HSPA12A: variants seen among roughly 807,000 people sequenced by gnomAD.
The protein encoded by HSPA12A is heat shock 70 kDa protein 12A.
A neutral mutation model predicts 69.2 loss-of-function variants in HSPA12A; 28 were observed. The ratio of observed to expected loss-of-function variants is 0.40; its 90% CI spans 0.30 to 0.55. HSPA12A has a LOEUF of 0.55. HSPA12A is among the 20% of genes least tolerant of loss of function. The pLI is 0.38. For synonymous variants in HSPA12A, 345 were observed against 370.5 expected (o/e 0.93, Z 0.79); for missense variants, 686 against 900.7 (o/e 0.76, Z 3.05).
At chr10:116,682,129 CACA>C (rs1305658605) in intron 7 of HSPA12A, among the ~76,000 whole-genome samples, 1 of 152,174 alleles carries the variant, frequency 6.6e-6, no homozygotes, top group Non-Finnish European at 1.5e-5. Flanking sequence ...ATGAGATTCT[CACA>C]ACAACCCTTG....
intron 2 of HSPA12A, among the ~76,000 whole-genome samples, chr10:116,779,243 GTC>G (rs1554891508): frequency 6.6e-6 from 1 of 152,218 alleles, no homozygotes; most frequent in African/African-American, 2.4e-5. Context: ...AACACGGAAG[GTC>G]CAGTGCAAGC....
At chr10:116,846,472 C>G (rs1211072189) in intron 1 of HSPA12A, among the ~76,000 whole-genome samples, 1 of 152,034 alleles carries the variant, frequency 6.6e-6, no homozygotes, top group African/African-American at 2.4e-5. Context: ...GCCTCAGCCT[C>G]CCGAGTAGCT....
intron 10 of HSPA12A, among the ~76,000 whole-genome samples, chr10:116,678,586 G>GAAAAAAA (rs11435803): frequency 4.7e-5 from 6 of 128,644 alleles, no homozygotes; most frequent in Admixed American, 8.3e-5. Flanking sequence ...GGTACAAAGT[G>GAAAAAAA]AAAAAAAAAA....
In HSPA12A at chr10:116,675,270, G is replaced by C. The variant is rs782710022; in HGVS notation, c.1539C>G (p.Thr513=). The change falls in exon 12 of 12, where the codon ACC becomes ACG. Residue 513 remains threonine (T), a synonymous_variant. Coordinates refer to ENST00000369209, the MANE Select transcript of HSPA12A (RefSeq NM_025015.3). The surrounding 1 kb of genome is among the most constrained non-coding windows in gnomAD (Gnocchi z 5.2). The part of the protein sequence containing the change: ...RIIIPQDVGL[T]ILKGAVLFGL... ...CAAAGAGGACGGCACCCTTGAGGAT[G>C]GTGAGGCCCACGTCCTGGGGGATGA... is the stretch of plus-strand genomic sequence containing the variant. 1.9e-6 allele frequency: 3 copies of C among 1,613,570 alleles called. No homozygotes were observed. The African/African-American group carries it at 4.0e-5, about 22-fold the overall frequency.
At chr10:116,804,666 A>G (rs1462097405) in intron 2 of HSPA12A, among the ~76,000 whole-genome samples, 1 of 152,110 alleles carries the variant, frequency 6.6e-6, no homozygotes, top group East Asian at 1.9e-4. Context: ...CTGTGTTTTT[A>G]CAAACTCTCC....
At position 116,707,182 on chromosome 10, in the gene HSPA12A, C is replaced by A. The variant is rs782600194; in HGVS notation, c.126+18G>T. 2.5e-6 allele frequency: 4 copies of A among 1,573,184 alleles called. No homozygotes were observed. Among genetic ancestry groups the A allele is most frequent in the Non-Finnish European group, 3.5e-6 (4 of 1,151,998 alleles). ...ACACACACACACACACACACACACA[C>A]ACACACACACTTCTTACCACAATAT... On this transcript the variant is annotated intron_variant, in intron 2 of 11. Coordinates refer to ENST00000369209, the MANE Select transcript of HSPA12A (RefSeq NM_025015.3).
chr10:116,818,340 C>T (rs1344634596), intron 2 of HSPA12A, among the ~76,000 whole-genome samples: 1 of 152,008 alleles, frequency 6.6e-6, no homozygotes, highest in East Asian at 1.9e-4. Flanking sequence ...CAGACCTACC[C>T]TGTGGTGGTG....
At chr10:116,734,987 G>A (rs916220242) in intron 1 of HSPA12A, among the ~76,000 whole-genome samples, 10 of 152,022 alleles carry the variant, frequency 6.6e-5, no homozygotes, top group African/African-American at 7.2e-5. Flanking sequence ...GCGAGACTCC[G>A]TCTCGAAAAG....
exon 2 of HSPA12A, chr10:116,834,946 A>G (rs1845682708): frequency 7.3e-6 from 9 of 1,231,042 alleles, no homozygotes; most frequent in Admixed American, 4.2e-5. Flanking sequence ...TGAAGCGGCT[A>G]TTTCCCACCT....
At chr10:116,683,092 C>T (rs2133370196) in intron 7 of HSPA12A, among the ~76,000 whole-genome samples, 1 of 151,948 alleles carries the variant, frequency 6.6e-6, no homozygotes, top group Admixed American at 6.6e-5. Flanking sequence ...GGCGCCACCC[C>T]CATAGTGCTC....
At chr10:116,731,220 C>T (rs909784794) in intron 1 of HSPA12A, among the ~76,000 whole-genome samples, 7 of 152,208 alleles carry the variant, frequency 4.6e-5, no homozygotes, top group African/African-American at 1.4e-4. Flanking sequence ...TGTTTTAAAA[C>T]GAATTTTGCT....
intron 2 of HSPA12A, among the ~76,000 whole-genome samples, chr10:116,753,095 G>A (rs1015228568): frequency 1.3e-5 from 2 of 152,232 alleles, no homozygotes; most frequent in Admixed American, 6.5e-5. Context: ...TGTTGGCCAC[G>A]TGTGGGAAGT....
At chr10:116,806,115 T>A (rs542287091) in intron 2 of HSPA12A, among the ~76,000 whole-genome samples, 1 of 152,312 alleles carries the variant, frequency 6.6e-6, no homozygotes, top group South Asian at 2.1e-4. Flanking sequence ...CCAGAAGTGG[T>A]GGGCACAAAG....
rs11286178 is a variant in HSPA12A, at chr10:116,755,805, C to CA, written c.92-48521dup. Among the ~76,000 whole-genome samples, 480 of 123,370 alleles carry CA rather than the reference C, an allele frequency of 3.9e-3. 5 individuals are homozygous for CA. The highest frequency in any genetic ancestry group is 0.022 in the East Asian group (90 of 4,164). 80.9% of individuals were successfully genotyped at this position (123,370 alleles called of 152,430 possible). On this transcript the variant is annotated intron_variant, in intron 2 of 12. Transcript: ENST00000635765. ...CAACATGGCAAAACCCCATCTCTACCAAAAAAAAAAAAAAAAATACAAAAA... is the reference window on the plus strand; with the variant it reads ...CAACATGGCAAAACCCCATCTCTACCAAAAAAAAAAAAAAAAAATACAAAAA...
At chr10:116,697,500 G>T (rs1001480109) in intron 5 of HSPA12A, among the ~76,000 whole-genome samples, 2 of 152,082 alleles carry the variant, frequency 1.3e-5, no homozygotes, top group Admixed American at 6.5e-5. Flanking sequence ...TTTACCCAGT[G>T]CTTACTATAG....
At chr10:116,846,073 TC>T (rs762488189) in intron 1 of HSPA12A, among the ~76,000 whole-genome samples, 1 of 152,206 alleles carries the variant, frequency 6.6e-6, no homozygotes, top group Non-Finnish European at 1.5e-5. Flanking sequence ...CACTGTTCTT[TC>T]CCCAGTGCCT....
Position 116,833,896 on chromosome 10 carries a change from G to A in HSPA12A, c.91+1039C>T, listed in dbSNP as rs191316162. On this transcript the variant is annotated intron_variant, in intron 2 of 12. Coordinates refer to the HSPA12A transcript ENST00000635765. ...TCTTTTCCTACTCTCTGCTTTTTAC[G>A]GAGAAAAAAATCTAGCATCTGGGGT... 3.9e-3 allele frequency among the ~76,000 whole-genome samples: 592 copies of A among 151,986 alleles called. 4 individuals are homozygous for A. Among genetic ancestry groups the A allele is most frequent in the African/African-American group, 0.014 (563 of 41,406 alleles).
chr10:116,689,787 C>T (rs1269132215), intron 6 of HSPA12A, among the ~76,000 whole-genome samples: 1 of 115,802 alleles, frequency 8.6e-6, no homozygotes, highest in Non-Finnish European at 1.7e-5. Flanking sequence ...AAGTTTGAGT[C>T]CAAAGGCAGG....
At chr10:116,705,338 C>T (rs1249449265) in intron 2 of HSPA12A, 60 bp from the exon 3 acceptor site, 1 of 1,597,986 alleles carries the variant, frequency 6.3e-7, no homozygotes, top group East Asian at 2.2e-5. Flanking sequence ...TTCAGGAAGA[C>T]ACCCCTGGGG....
Sources: gnomAD v4.1 joint callset for allele counts (sites outside exome capture counted in the v4.1 genomes callset) on GRCh38, gnomAD v4.1.1 for gene constraint, Gnocchi (gnomAD v3.1) non-coding constraint, MANE v1.5 for transcripts, NCBI Gene and HGNC (gene_info 2026-07-23, HGNC 2026-07-21) for gene names.